Variants in LRRC9 observed in about 807,000 individuals in gnomAD.
The protein encoded by LRRC9 is leucine-rich repeat-containing protein 9.
In LRRC9, 122 loss-of-function variants were observed where a neutral mutation model predicts 63.2. The ratio of observed to expected loss-of-function variants is 1.93; its 90% CI spans 1.67 to 2.24. The LOEUF (loss-of-function observed/expected upper bound fraction) is 2.24. Among genes scored for constraint, LRRC9 ranks in the 30% most tolerant of loss-of-function variants. The probability of loss-of-function intolerance (pLI) is 0.00; values close to 1 mark genes in which losing one functional copy is unlikely to be tolerated. For missense variants in LRRC9, 1,071 were observed against 627.7 expected (o/e 1.71, Z -7.55); for synonymous variants, 366 against 213.1 (o/e 1.72, Z -6.25).
At chr14:60,052,019 C>T (rs1038537788) in intron 29 of LRRC9, among the ~76,000 whole-genome samples, 2 of 152,128 alleles carry the variant, frequency 1.3e-5, no homozygotes, top group African/African-American at 4.8e-5. Context: ...CTAGTCAGTC[C>T]CAATGTGAGA....
rs186676541 is a variant in LRRC9, at chr14:60,051,070, C to T, written c.3991-1995C>T. On this transcript the variant is annotated intron_variant, in intron 29 of 31. Coordinates refer to ENST00000445360, the Ensembl canonical transcript of LRRC9. This position sits in a 1 kb window ranked among gnomAD's most constrained non-coding sequence, Gnocchi z 4.7. ...GTCAGGAGGAACAGGATCAAGGACA[C>T]ACTTACAGGAGTAGTCTGGCTGCTT... Among the ~76,000 whole-genome samples the T allele has an allele frequency of 1.7e-4, 26 of 152,308 alleles. No individual in the cohort carries two copies. In the East Asian group the frequency reaches 2.1e-3, roughly 12 times the overall value.
chr14:60,024,741 G>C (rs764041530), intron 27 of LRRC9, among the ~76,000 whole-genome samples: 6 of 152,022 alleles, frequency 3.9e-5, no homozygotes, highest in South Asian at 2.1e-4. Context: ...TTATGTACTA[G>C]TGGGAATTGG....
At chr14:60,043,811 G>T (rs1893177487) in intron 29 of LRRC9, among the ~76,000 whole-genome samples, 1 of 116,030 alleles carries the variant, frequency 8.6e-6, no homozygotes, top group Admixed American at 1.1e-4. Flanking sequence ...GGGTAATAAT[G>T]CTGGCCTTGT....
chr14:59,986,134 T>G lies in LRRC9; in HGVS notation c.2211+910T>G, dbSNP rs1887445710. On this transcript the variant is annotated intron_variant, in intron 17 of 31. Coordinates refer to ENST00000445360, the Ensembl canonical transcript of LRRC9. The surrounding 1 kb of genome is among the most constrained non-coding windows in gnomAD (Gnocchi z 4.7). ...TGCATAGATCTTGTTGAATTTGTGTTTGCCTTCTTGTATATCATAGGACAA... is the reference window on the plus strand; with the variant it reads ...TGCATAGATCTTGTTGAATTTGTGTGTGCCTTCTTGTATATCATAGGACAA... Among the ~76,000 whole-genome samples the G allele has an allele frequency of 6.6e-6, 1 of 152,182 alleles. No individual in the cohort carries two copies. The highest frequency in any genetic ancestry group is 1.5e-5 in the Non-Finnish European group (1 of 68,018).
chr14:60,013,694 A>G (rs1450302731), intron 23 of LRRC9, among the ~76,000 whole-genome samples: 1 of 152,056 alleles, frequency 6.6e-6, no homozygotes, highest in Non-Finnish European at 1.5e-5. Context: ...CCTTTGCTTC[A>G]AAGTTTACTT....
chr14:59,998,038 G>T (rs758957613), intron 18 of LRRC9, among the ~76,000 whole-genome samples, 191 bp downstream of exon 18: 19 of 151,994 alleles, frequency 1.3e-4, no homozygotes, highest in Non-Finnish European at 2.8e-4. Flanking sequence ...TATAAGAAAA[G>T]ACTATAATTT....
intron 30 of LRRC9, among the ~76,000 whole-genome samples, chr14:60,055,736 A>T (rs1487125789): frequency 1.3e-5 from 2 of 148,894 alleles, no homozygotes; most frequent in East Asian, 4.0e-4. Flanking sequence ...CTATTTAAAA[A>T]AAAAAAAAAA....
intron 21 of LRRC9, among the ~76,000 whole-genome samples, chr14:60,005,810 G>A (rs572041179): frequency 9.1e-4 from 138 of 152,178 alleles, no homozygotes; most frequent in Non-Finnish European, 1.5e-3. Context: ...CTAGGATTCC[G>A]AAGTTCTTGT....
chr14:60,022,356 C>G (rs1891179728), intron 26 of LRRC9, among the ~76,000 whole-genome samples: 1 of 151,728 alleles, frequency 6.6e-6, no homozygotes, highest in Admixed American at 6.6e-5. Context: ...TGTGACCTTG[C>G]TAAACTCCTT....
intron 12 of LRRC9, 98 bp downstream of exon 12, chr14:59,967,311 TA>T: frequency 2.1e-6 from 1 of 473,718 alleles, no homozygotes; most frequent in Non-Finnish European, 3.8e-6. Flanking sequence ...TCCATATTTA[TA>T]GTAAATTTCT....
intron 30 of LRRC9, among the ~76,000 whole-genome samples, chr14:60,056,968 T>C (rs1894331159): frequency 6.6e-6 from 1 of 152,158 alleles, no homozygotes; most frequent in Non-Finnish European, 1.5e-5. Flanking sequence ...TTTGACAGCA[T>C]TCCAGATTAG....
At chr14:60,039,123 C>T (rs928205923) in intron 29 of LRRC9, among the ~76,000 whole-genome samples, 19 of 152,168 alleles carry the variant, frequency 1.2e-4, no homozygotes, top group Admixed American at 2.6e-4. Context: ...CCGACTTAAT[C>T]GTGGTGGATA....
rs1167074044 is a variant in LRRC9 at position 59,949,816 on chromosome 14, A to G, written c.882+5072A>G. Among the ~76,000 whole-genome samples the G allele has an allele frequency of 2.7e-5, 4 of 146,286 alleles. No homozygotes were observed. In the East Asian group the frequency reaches 8.4e-4, roughly 31 times the overall value. Reference sequence around the variant, plus strand: ...ATATAGTTGAGCGGCTTTGAGTGAGATTCTTAATCCTGAGTTCTAGTTTGA... The same window carrying G: ...ATATAGTTGAGCGGCTTTGAGTGAGGTTCTTAATCCTGAGTTCTAGTTTGA... On this transcript the variant is annotated intron_variant, in intron 8 of 31. Coordinates refer to ENST00000445360, the Ensembl canonical transcript of LRRC9.
chr14:60,055,042 G>A (rs1262320290), intron 30 of LRRC9, among the ~76,000 whole-genome samples: 1 of 152,186 alleles, frequency 6.6e-6, no homozygotes, highest in Non-Finnish European at 1.5e-5. Context: ...TTACAGGCTT[G>A]AGCCATTGCA....
chr14:60,025,157 C>T (rs1168942174), intron 27 of LRRC9, among the ~76,000 whole-genome samples: 1 of 151,840 alleles, frequency 6.6e-6, no homozygotes, highest in Non-Finnish European at 1.5e-5. Context: ...TTGGCACAAT[C>T]ATAGCTCACT....
chr14:60,037,475 G>A (rs1892543173), intron 29 of LRRC9, among the ~76,000 whole-genome samples: 1 of 152,102 alleles, frequency 6.6e-6, no homozygotes, highest in East Asian at 1.9e-4. Context: ...GTGTGAGATG[G>A]TATCTCATTG....
chr14:59,966,733 G>C lies in LRRC9; in HGVS notation c.1356G>C (p.Lys452Asn). 1 of 680,026 alleles carries C rather than the reference G, an allele frequency of 1.5e-6. No homozygotes were observed. Among genetic ancestry groups the C allele is most frequent in the Non-Finnish European group, 2.7e-6 (1 of 374,122 alleles). 42.1% of individuals were successfully genotyped at this position (680,026 alleles called of 1,614,324 possible). A position where few individuals can be genotyped will look rare whatever the true frequency, so the allele number is the denominator to read the frequency against. Residue 452 changes from lysine (K) to asparagine (N), a missense_variant, in exon 11 of 32, where the codon AAG becomes AAC. Transcript: ENST00000445360. This position sits in a 1 kb window ranked among gnomAD's most constrained non-coding sequence, Gnocchi z 4.0. ...TAAAATTCGAAGAGAAATTTCAAAA[G>C]TTTTTGGAGAATGAAGATATGCATG... is the stretch of plus-strand genomic sequence containing the variant.
intron 1 of LRRC9, among the ~76,000 whole-genome samples, chr14:59,924,899 C>CT (rs767345497): frequency 0.013 from 1,809 of 142,614 alleles, 31 homozygotes; most frequent in African/African-American, 0.039. Flanking sequence ...CCCATCCCAG[C>CT]TTTTTTTTTT....
At chr14:59,967,754 G>T (rs1885011096) in intron 12 of LRRC9, among the ~76,000 whole-genome samples, 1 of 151,808 alleles carries the variant, frequency 6.6e-6, no homozygotes, top group South Asian at 2.1e-4. Flanking sequence ...GTGTAGAGCA[G>T]CGCTTCCCAA....
Sources: allele counts gnomAD v4.1 joint callset (sites outside exome capture counted in the v4.1 genomes callset), GRCh38; gene constraint gnomAD v4.1.1; non-coding constraint Gnocchi (gnomAD v3.1); transcripts MANE v1.5; gene names NCBI Gene and HGNC (gene_info 2026-07-23, HGNC 2026-07-21).